Variants in CDH22 observed in about 807,000 individuals in gnomAD.
CDH22 encodes cadherin 22, also known as cadherin-22.
Under a neutral mutation model 58.4 loss-of-function variants are expected in CDH22, and 30 were observed. That is an observed-to-expected ratio of 0.51 (90% CI 0.38 to 0.70). The LOEUF is 0.70. Among genes scored for constraint, CDH22 ranks in the 30% least tolerant of loss-of-function variants. The pLI is 0.00. For synonymous variants in CDH22, 513 were observed against 558.2 expected, an observed-to-expected ratio of 0.92 and a Z score of 1.14; for missense variants, 1,014 against 1,233.9, an observed-to-expected ratio of 0.82 and a Z score of 2.67.
chr20:46,242,379 T>G (rs1416700525), intron 2 of CDH22, among the ~76,000 whole-genome samples: 2 of 152,182 alleles, frequency 1.3e-5, no homozygotes, highest in African/African-American at 4.8e-5. Context: ...CAGCCTTGGC[T>G]CTGACATCGC....
At chr20:46,201,799 C>T (rs1419881421) in intron 7 of CDH22, among the ~76,000 whole-genome samples, 1 of 152,140 alleles carries the variant, frequency 6.6e-6, no homozygotes, top group African/African-American at 2.4e-5. Context: ...CACCTTGAGT[C>T]CCGCTAGCCT....
rs760825642 is a variant in CDH22 at position 46,201,358 on chromosome 20, A to T, written c.1287-1799T>A. On this transcript the variant is annotated intron_variant, in intron 7 of 11. Coordinates refer to ENST00000537909, the MANE Select transcript of CDH22 (RefSeq NM_021248.3). ...GCCTGCTGGGGCCCAGAGCCCTGAG[A>T]TGACCCGTCTGTGAGGCCTTGGCTG... 1.6e-4 allele frequency among the ~76,000 whole-genome samples: 25 copies of T among 152,328 alleles called. No homozygotes were observed. The Middle Eastern group carries it at 0.01, about 62-fold the overall frequency.
At chr20:46,263,743 G>C (rs1339751372) in intron 1 of CDH22, among the ~76,000 whole-genome samples, 1 of 152,134 alleles carries the variant, frequency 6.6e-6, no homozygotes, top group Non-Finnish European at 1.5e-5. Context: ...GGAGAAGCTA[G>C]GGAAACAGCT....
At chr20:46,258,546 A>T (rs987798316) in intron 1 of CDH22, among the ~76,000 whole-genome samples, 1 of 152,196 alleles carries the variant, frequency 6.6e-6, no homozygotes, top group African/African-American at 2.4e-5. Context: ...TAAGCCCCCT[A>T]GCAGGACAGG....
In CDH22 at chr20:46,198,407, C is replaced by T. The variant is rs1457363149; in HGVS notation, c.1423+1016G>A. Among the ~76,000 whole-genome samples, 4 of 151,998 alleles carry T rather than the reference C, an allele frequency of 2.6e-5. No individual in the cohort carries two copies. In the South Asian group the frequency reaches 8.3e-4, roughly 32 times the overall value. Reference sequence around the variant, plus strand: ...TCTCCATCTCTCCCCGGGACATCAGCCCATGAGCAGATTCCACTGGCTCTA... The same window carrying T: ...TCTCCATCTCTCCCCGGGACATCAGTCCATGAGCAGATTCCACTGGCTCTA... On this transcript the variant is annotated intron_variant, in intron 8 of 11. Coordinates refer to ENST00000537909, the MANE Select transcript of CDH22 (RefSeq NM_021248.3).
At chr20:46,229,687 A>G (rs1469887977) in intron 3 of CDH22, among the ~76,000 whole-genome samples, 1 of 152,238 alleles carries the variant, frequency 6.6e-6, no homozygotes, top group African/African-American at 2.4e-5. Flanking sequence ...TGTCAACTCA[A>G]GAGGCACAGC....
intron 11 of CDH22, among the ~76,000 whole-genome samples, chr20:46,177,340 T>C (rs73312755): frequency 0.011 from 1,671 of 152,288 alleles, 37 homozygotes; most frequent in African/African-American, 0.037. Flanking sequence ...GACCTCTTCA[T>C]TGGGGAGACT....
At chr20:46,248,887 C>G (rs902867689) in intron 2 of CDH22, among the ~76,000 whole-genome samples, 3 of 152,186 alleles carry the variant, frequency 2.0e-5, no homozygotes, top group Admixed American at 6.5e-5. Context: ...CTTGGCCATG[C>G]CACTCGCCCA....
At chr20:46,252,431 T>A (rs993359609) in intron 1 of CDH22, among the ~76,000 whole-genome samples, 2 of 152,248 alleles carry the variant, frequency 1.3e-5, no homozygotes, top group Non-Finnish European at 2.9e-5. Flanking sequence ...TGGACCAGCC[T>A]GCCGTCCCCA....
At chr20:46,195,470 G>C (rs565471208) in intron 8 of CDH22, among the ~76,000 whole-genome samples, 3 of 152,320 alleles carry the variant, frequency 2.0e-5, no homozygotes, top group Admixed American at 2.0e-4. Flanking sequence ...AGCTTCTGGC[G>C]AGTCTGGTTA....
intron 1 of CDH22, among the ~76,000 whole-genome samples, chr20:46,261,019 A>G (rs1020724012): frequency 7.2e-5 from 11 of 152,180 alleles, no homozygotes; most frequent in African/African-American, 1.7e-4. Flanking sequence ...TTTAACATTC[A>G]GGGGACCTAA....
At position 46,203,937 on chromosome 20, in the gene CDH22, T is replaced by G. The variant is rs573916143; in HGVS notation, c.1287-4378A>C. Among the ~76,000 whole-genome samples, 24 of 151,690 alleles carry G rather than the reference T, an allele frequency of 1.6e-4. No individual in the cohort carries two copies. The South Asian group carries it at 4.8e-3, about 30-fold the overall frequency. On this transcript the variant is annotated intron_variant, in intron 7 of 11. Coordinates refer to ENST00000537909, the MANE Select transcript of CDH22 (RefSeq NM_021248.3). ...TGGGGGAATAGGGAGAGAATATGAGTTTGTGGCAGCTCGTGTGTGTGTGCA... is the reference window on the plus strand; with the variant it reads ...TGGGGGAATAGGGAGAGAATATGAGGTTGTGGCAGCTCGTGTGTGTGTGCA...
chr20:46,216,744 G>A lies in CDH22; in HGVS notation c.838+82C>T. The A allele has an allele frequency of 1.5e-6, 2 of 1,331,584 alleles. No individual in the cohort carries two copies. The allele number at this position is 1,331,584 out of a possible 1,614,324, so 82.5% of individuals were successfully genotyped here. On this transcript the variant is annotated intron_variant, in intron 5 of 11. Transcript: ENST00000537909. The surrounding 1 kb of genome is among the most constrained non-coding windows in gnomAD (Gnocchi z 5.3). ...CCTTCTTTTGGTGGGAAGTCTAAAG[G>A]GAAGCTGGGGTCAGCAGGTGGCTTG...
rs137999361 is a variant in CDH22, at chr20:46,223,398, C to T, written c.670+4110G>A. Among the ~76,000 whole-genome samples, 254 of 152,272 alleles carry T rather than the reference C, an allele frequency of 1.7e-3. 1 individual carries two copies. The highest frequency in any genetic ancestry group is 2.5e-3 in the Non-Finnish European group (171 of 68,006). ...CCCCATCTCCCCAAGGCTTATCAACCCTAGGGTCCCCACCTCCTCAGGCTG... is the reference window on the plus strand; with the variant it reads ...CCCCATCTCCCCAAGGCTTATCAACTCTAGGGTCCCCACCTCCTCAGGCTG... On this transcript the variant is annotated intron_variant, in intron 4 of 11. Transcript: ENST00000537909.
intron 1 of CDH22, among the ~76,000 whole-genome samples, chr20:46,269,315 T>C (rs2086476349): frequency 6.6e-6 from 1 of 152,204 alleles, no homozygotes; most frequent in African/African-American, 2.4e-5. Flanking sequence ...ACTCCTCATT[T>C]TCCTGATGGA....
At chr20:46,234,735 T>C (rs1284034240) in intron 3 of CDH22, among the ~76,000 whole-genome samples, 6 of 152,242 alleles carry the variant, frequency 3.9e-5, no homozygotes, top group Non-Finnish European at 8.8e-5. Context: ...GCATTTTTTC[T>C]ACCAAGGCTG....
intron 1 of CDH22, among the ~76,000 whole-genome samples, chr20:46,278,480 C>T (rs1244927471): frequency 6.6e-6 from 1 of 152,232 alleles, no homozygotes; most frequent in Admixed American, 6.5e-5. Flanking sequence ...TTAAGGAAAA[C>T]TCAGGATGGG....
chr20:46,227,672 G>A (rs60827237), intron 3 of CDH22, 45 bp from the exon 4 acceptor site: 16 of 1,570,856 alleles, frequency 1.0e-5, no homozygotes, highest in Non-Finnish European at 1.2e-5. Context: ...CTGGGGCTGC[G>A]GAGCTCGTTC....
rs555213384 is a variant in CDH22 at position 46,306,526 on chromosome 20, C to T, written c.-400+1729G>A. On this transcript the variant is annotated intron_variant, in intron 1 of 11. Coordinates refer to ENST00000537909, the MANE Select transcript of CDH22 (RefSeq NM_021248.3). ...CCCCGAGGCACTGGCAGTGGTGGAC[C>T]GGGAAGGGCACACAGACATCTCCAG... Among the ~76,000 whole-genome samples, 203 of 152,312 alleles carry T rather than the reference C, an allele frequency of 1.3e-3. 2 individuals are homozygous for T. The highest frequency in any genetic ancestry group is 4.6e-3 in the African/African-American group (191 of 41,550).
Sources: allele counts gnomAD v4.1 joint callset (sites outside exome capture counted in the v4.1 genomes callset), GRCh38; gene constraint gnomAD v4.1.1; non-coding constraint Gnocchi (gnomAD v3.1); transcripts MANE v1.5; gene names NCBI Gene and HGNC (gene_info 2026-07-23, HGNC 2026-07-21).